The following RIT2 variants were observed in gnomAD, a reference collection of about 807,000 sequenced individuals.
The protein encoded by RIT2 is Ras like without CAAX 2.
A neutral mutation model predicts 23.7 loss-of-function variants in RIT2; 24 were observed. That is an observed-to-expected ratio of 1.01 (90% CI 0.73 to 1.43). The LOEUF is 1.43. Ranked by LOEUF, RIT2 falls within the 40% of genes most tolerant of loss-of-function variation. The probability of loss-of-function intolerance (pLI) is 0.00; values close to 1 mark genes in which losing one functional copy is unlikely to be tolerated. For missense variants in RIT2, 236 were observed against 266.9 expected, an observed-to-expected ratio of 0.88 and a Z score of 0.81; for synonymous variants, 107 against 91.1, an observed-to-expected ratio of 1.17 and a Z score of -0.99.
intron 4 of RIT2, among the ~76,000 whole-genome samples, chr18:42,794,242 C>G (rs919868577): frequency 6.6e-6 from 1 of 152,128 alleles, no homozygotes; most frequent in African/African-American, 2.4e-5. Context: ...AGAACTTCCC[C>G]AGGCATAAAG....
chr18:43,090,407 T>G (rs955905689), intron 1 of RIT2, among the ~76,000 whole-genome samples: 2 of 152,034 alleles, frequency 1.3e-5, no homozygotes, highest in African/African-American at 4.8e-5. Flanking sequence ...AAAGAAACAC[T>G]TATACGCTGT....
At chr18:43,055,651 G>A (rs80222133) in intron 1 of RIT2, among the ~76,000 whole-genome samples, 13,844 of 152,074 alleles carry the variant, frequency 0.091, 708 homozygotes, top group East Asian at 0.18. Context: ...CTGTGTTTGA[G>A]AAAAGATGTA....
At chr18:42,770,004 G>A (rs955757330) in intron 4 of RIT2, among the ~76,000 whole-genome samples, 6 of 151,924 alleles carry the variant, frequency 3.9e-5, no homozygotes, top group Non-Finnish European at 5.9e-5. Context: ...CAAGACAGTC[G>A]TGGCTGAGAT....
chr18:42,784,076 G>A (rs1913871891), intron 4 of RIT2, among the ~76,000 whole-genome samples: 1 of 151,934 alleles, frequency 6.6e-6, no homozygotes, highest in Admixed American at 6.6e-5. Context: ...TGGAGTGAGG[G>A]TAGTTGTACA....
chr18:42,986,513 T>C (rs1003897736), intron 2 of RIT2, among the ~76,000 whole-genome samples: 1 of 151,976 alleles, frequency 6.6e-6, no homozygotes, highest in East Asian at 1.9e-4. Flanking sequence ...ATTTATTTAT[T>C]TATTTTGAGA....
At chr18:42,840,155 A>C (rs758157426) in intron 4 of RIT2, among the ~76,000 whole-genome samples, 1 of 152,206 alleles carries the variant, frequency 6.6e-6, no homozygotes, top group Non-Finnish European at 1.5e-5. Context: ...TGTTTCCACT[A>C]TAAAGCTTTC....
intron 4 of RIT2, among the ~76,000 whole-genome samples, chr18:42,830,935 G>A (rs897728904): frequency 6.6e-6 from 1 of 152,076 alleles, no homozygotes; most frequent in Non-Finnish European, 1.5e-5. Context: ...TGGTAGAAAT[G>A]GATTCTTCCA....
chr18:42,973,720 C>T (rs1236784010), intron 3 of RIT2, among the ~76,000 whole-genome samples: 1 of 151,840 alleles, frequency 6.6e-6, no homozygotes, highest in Non-Finnish European at 1.5e-5. Context: ...AGCAGATTTG[C>T]TAAGCAGATC....
chr18:43,079,075 A>G (rs59797637), intron 1 of RIT2, among the ~76,000 whole-genome samples: 2,696 of 152,330 alleles, frequency 0.018, 88 homozygotes, highest in African/African-American at 0.06. Context: ...TTCATTTAAA[A>G]AGAAAACAAT....
intron 4 of RIT2, among the ~76,000 whole-genome samples, chr18:42,822,763 G>A (rs1255591082): frequency 6.6e-6 from 1 of 152,028 alleles, no homozygotes; most frequent in Non-Finnish European, 1.5e-5. Flanking sequence ...ACACAAAAAT[G>A]CATAAAGTAC....
chr18:42,966,081 T>C (rs1910217201), intron 3 of RIT2, among the ~76,000 whole-genome samples: 1 of 152,138 alleles, frequency 6.6e-6, no homozygotes, highest in Admixed American at 6.6e-5. Context: ...GACTGAAATA[T>C]GTGACCTCCT....
chr18:42,778,745 A>G (rs928055280), intron 4 of RIT2, among the ~76,000 whole-genome samples: 2 of 152,150 alleles, frequency 1.3e-5, no homozygotes, highest in African/African-American at 4.8e-5. Context: ...CCAAATGTCT[A>G]TATCCGAAGA....
chr18:42,986,036 T>G (rs1164648489), intron 2 of RIT2, among the ~76,000 whole-genome samples: 2 of 151,338 alleles, frequency 1.3e-5, no homozygotes, highest in African/African-American at 2.4e-5. Flanking sequence ...TATGGTTTTT[T>G]CTTTTCTTTT....
chr18:43,077,162 A>G (rs1350283134), intron 1 of RIT2, among the ~76,000 whole-genome samples: 3 of 151,794 alleles, frequency 2.0e-5, no homozygotes, highest in South Asian at 2.1e-4. Context: ...AATAGGACCT[A>G]TAATTTCTGT....
chr18:42,888,596 A>G (rs1000054380), intron 4 of RIT2, among the ~76,000 whole-genome samples: 1 of 152,042 alleles, frequency 6.6e-6, no homozygotes, highest in Non-Finnish European at 1.5e-5. Context: ...TCTACCAGAA[A>G]GACACATGCA....
intron 1 of RIT2, among the ~76,000 whole-genome samples, chr18:43,040,822 C>CA (rs929179880): frequency 6.0e-5 from 9 of 149,350 alleles, no homozygotes; most frequent in Non-Finnish European, 8.9e-5. Flanking sequence ...CTTTCCCCCC[C>CA]AAAAAAAAAT....
chr18:43,112,052 G>C (rs569469881), intron 1 of RIT2, among the ~76,000 whole-genome samples: 17 of 152,056 alleles, frequency 1.1e-4, no homozygotes, highest in African/African-American at 4.1e-4. Context: ...TTAGGTTAAA[G>C]ATTAAAGCGG....
intron 1 of RIT2, among the ~76,000 whole-genome samples, chr18:43,055,190 A>G (rs1912471602): frequency 6.6e-6 from 1 of 152,174 alleles, no homozygotes; most frequent in African/African-American, 2.4e-5. Flanking sequence ...ATTGCTTCTC[A>G]GTTATGTATT....
chr18:42,873,882 G>A (rs1476788583), intron 4 of RIT2, among the ~76,000 whole-genome samples: 1 of 152,124 alleles, frequency 6.6e-6, no homozygotes, highest in Non-Finnish European at 1.5e-5. Flanking sequence ...ATGGCATAGT[G>A]TAAACAGTAC....
Sources: allele counts gnomAD v4.1 joint callset (sites outside exome capture counted in the v4.1 genomes callset), GRCh38; gene constraint gnomAD v4.1.1; transcripts MANE v1.5; gene names NCBI Gene and HGNC (gene_info 2026-07-23, HGNC 2026-07-21).